The following MGAM variants were observed in gnomAD, a reference collection of about 807,000 sequenced individuals.
MGAM encodes maltase-glucoamylase.
Under a neutral mutation model 358.8 loss-of-function variants are expected in MGAM, and 253 were observed. That is an observed-to-expected ratio of 0.71 (90% CI 0.64 to 0.78). The LOEUF (loss-of-function observed/expected upper bound fraction) is 0.78, where lower values mean the gene tolerates loss of function less well. Ranked by LOEUF, MGAM falls within the 30% of genes least tolerant of loss-of-function variation. MGAM has a pLI of 0.00. For missense variants in MGAM, 3,080 were observed against 3,432.6 expected (o/e 0.90, Z 2.57); for synonymous variants, 1,105 against 1,227.1 (o/e 0.90, Z 2.08).
chr7:141,989,131 G>GGA (rs141287011), intron 2 of MGAM, among the ~76,000 whole-genome samples: 1,811 of 148,136 alleles, frequency 0.012, 8 homozygotes, highest in Non-Finnish European at 0.012. Context: ...AGAGAAAGAG[G>GGA]GAGAGAGAGA....
intron 7 of MGAM, among the ~76,000 whole-genome samples, chr7:142,024,403 G>C (rs1246785246): frequency 1.7e-5 from 2 of 117,684 alleles, no homozygotes; most frequent in African/African-American, 7.0e-5. Flanking sequence ...GACAGAGTGA[G>C]ACCCTGTCTG....
intron 57 of MGAM, among the ~76,000 whole-genome samples, chr7:142,091,111 G>A (rs1374727799): frequency 1.4e-5 from 2 of 144,788 alleles, no homozygotes; most frequent in African/African-American, 4.9e-5. Flanking sequence ...GCCAGGTGTA[G>A]TGGTGTGTGC....
chr7:142,054,545 A>C (rs967097275), intron 26 of MGAM, among the ~76,000 whole-genome samples: 1 of 152,168 alleles, frequency 6.6e-6, no homozygotes, highest in African/African-American at 2.4e-5. Context: ...CATTGAGTTT[A>C]TTAAGGTAAT....
intron 66 of MGAM, among the ~76,000 whole-genome samples, chr7:142,098,522 T>G (rs771630282): frequency 1.3e-5 from 2 of 152,062 alleles, no homozygotes; most frequent in Non-Finnish European, 2.9e-5. Context: ...GCAGTGAGAT[T>G]AGGTGAAAAC....
rs1285241391 is a variant in MGAM, at chr7:142,052,946, G to C, written c.3121G>C (p.Asp1041His). 6.2e-7 allele frequency: 1 copy of C among 1,613,680 alleles called. No homozygotes were observed. Among genetic ancestry groups the C allele is most frequent in the African/African-American group, 1.3e-5 (1 of 74,858 alleles). ...CACACCCGTGAACCCCCTTCGCCTG[G>C]ATGTCACTTACCATAAGAATGAAAT... Reference protein sequence around the residue: ...PSTPVNPLRLDVTYHKNEMLQ... With the variant: ...PSTPVNPLRLHVTYHKNEMLQ... The change falls in exon 26 of 71, where the codon GAT becomes CAT. Residue 1041 changes from aspartate to histidine, a missense_variant. Asp to His is a moderately conservative substitution (Grantham distance 81, BLOSUM62 -1). Transcript: ENST00000475668.
chr7:142,056,924 C>G lies in MGAM; in HGVS notation c.3675C>G (p.Val1225=), dbSNP rs1438149760. ...YVFLGPTPEL[V]TQQYTELIGR... The stretch of plus-strand genomic sequence containing the variant: ...TCTTGGGGCCGACTCCAGAGCTTGT[C>G]ACCCAGCAGTACACTGAGGTAGGGG... The change falls in exon 30 of 71, where the codon GTC becomes GTG. Residue 1225 remains valine (V), a synonymous_variant. Transcript: ENST00000475668. 1 of 1,613,878 alleles carries G rather than the reference C, an allele frequency of 6.2e-7. No homozygotes were observed. The highest frequency in any genetic ancestry group is 1.7e-5 in the Admixed American group (1 of 60,020).
At chr7:142,080,430 A>G (rs2129052278) in intron 49 of MGAM, among the ~76,000 whole-genome samples, 1 of 146,422 alleles carries the variant, frequency 6.8e-6, no homozygotes, top group Non-Finnish European at 1.5e-5. Flanking sequence ...CACTTTGGGG[A>G]GACACGTTAT....
intron 29 of MGAM, among the ~76,000 whole-genome samples, chr7:142,056,599 A>G (rs1811574804): frequency 6.6e-6 from 1 of 152,234 alleles, no homozygotes; most frequent in Non-Finnish European, 1.5e-5. Context: ...TAATAATTTT[A>G]TAAGAGTAGA....
chr7:142,026,230 G>A (rs1285796731), intron 8 of MGAM, among the ~76,000 whole-genome samples: 1 of 151,904 alleles, frequency 6.6e-6, no homozygotes, highest in Non-Finnish European at 1.5e-5. Flanking sequence ...TTTTGTTTGA[G>A]GTGAGATTCA....
rs1491369901 is a variant in MGAM at position 142,041,957 on chromosome 7, TAA to T, written c.2498+1112_2498+1113del. Among the ~76,000 whole-genome samples, 8 of 20,422 alleles carry T rather than the reference TAA, an allele frequency of 3.9e-4. 1 individual carries two copies. The highest frequency in any genetic ancestry group is 1.1e-3 in the African/African-American group (8 of 7,046). 13.4% of individuals were successfully genotyped at this position (20,422 alleles called of 152,430 possible). On this transcript the variant is annotated intron_variant, in intron 21 of 70. Coordinates refer to ENST00000475668, the MANE Select transcript of MGAM (RefSeq NM_001365693.1). ...TATATATTATATATATACATATATA[TAA>T]TATATATATATTATATATATATAAT...
Position 142,022,403 on chromosome 7 carries a change from C to T in MGAM, c.846C>T (p.Thr282=). ...QQYRHDMNWK[T]WPIFNRDTTP... ...ATCGGCATGATATGAATTGGAAGAC[C>T]TGGCCCATATTTAACAGAGACACAA... Residue 282 remains threonine, a synonymous_variant, in exon 7 of 71, where the codon ACC becomes ACT. Coordinates refer to ENST00000475668, the MANE Select transcript of MGAM (RefSeq NM_001365693.1). 1.9e-6 allele frequency: 3 copies of T among 1,613,704 alleles called. No individual in the cohort carries two copies. The highest frequency in any genetic ancestry group is 2.5e-6 in the Non-Finnish European group (3 of 1,179,668).
intron 17 of MGAM, 73 bp downstream of exon 17, chr7:142,036,358 A>C: frequency 8.3e-7 from 1 of 1,203,724 alleles, no homozygotes; most frequent in African/African-American, 1.5e-5. Flanking sequence ...CATCCTTGCC[A>C]AGAGATCTGC....
Position 142,022,352 on chromosome 7 carries a change from C to T in MGAM, c.795C>T (p.Gly265=). ...STRLPSTNVY[G]LGEHVHQQYR... ...GACTGCCTAGCACTAACGTGTATGG[C>T]CTGGGAGAGCATGTGCACCAGCAGT... Residue 265 remains glycine, a synonymous_variant, in exon 7 of 71, where the codon GGC becomes GGT. Coordinates refer to ENST00000475668, the MANE Select transcript of MGAM (RefSeq NM_001365693.1). 1 of 1,613,692 alleles carries T rather than the reference C, an allele frequency of 6.2e-7. No individual in the cohort carries two copies. The highest frequency in any genetic ancestry group is 1.1e-5 in the South Asian group (1 of 91,066).
Position 142,034,268 on chromosome 7 carries a change from T to C in MGAM, c.1676T>C (p.Leu559Pro), listed in dbSNP as rs1554464937. 3.2e-6 allele frequency: 5 copies of C among 1,587,278 alleles called. No individual in the cohort carries two copies. Among genetic ancestry groups the C allele is most frequent in the Non-Finnish European group, 3.4e-6 (4 of 1,165,598 alleles). ...LNNPPFTPRI[L>P]DGYLFCKTLC... ...GATCCTGCTTTTGTTTCAGGAATCC[T>C]GGATGGGTACCTGTTCTGCAAGACT... The change falls in exon 15 of 71, where the codon CTG becomes CCG. Residue 559 changes from leucine to proline, a missense_variant. Coordinates refer to ENST00000475668, the MANE Select transcript of MGAM (RefSeq NM_001365693.1).
chr7:142,091,313 T>C (rs1198319515), intron 57 of MGAM, among the ~76,000 whole-genome samples: 1 of 145,024 alleles, frequency 6.9e-6, no homozygotes, highest in African/African-American at 2.5e-5. Flanking sequence ...AAAACACACC[T>C]GTTATTATCT....
chr7:142,009,595 A>T (rs1303955560), intron 3 of MGAM, among the ~76,000 whole-genome samples: 2 of 152,126 alleles, frequency 1.3e-5, no homozygotes, highest in Non-Finnish European at 2.9e-5. Context: ...TTGGTGCTTT[A>T]TTGTAAGATC....
chr7:142,024,300 G>A (rs988501288), intron 7 of MGAM, among the ~76,000 whole-genome samples: 1 of 151,868 alleles, frequency 6.6e-6, no homozygotes, highest in African/African-American at 2.4e-5. Flanking sequence ...TGTAATCCTA[G>A]CTACTCAGGA....
chr7:141,992,851 A>G (rs368368266), upstream of MGAM, among the ~76,000 whole-genome samples: 8 of 152,122 alleles, frequency 5.3e-5, no homozygotes, highest in South Asian at 8.3e-4. Flanking sequence ...CCAAAGTGCT[A>G]GGATTACATG....
At chr7:142,027,092 T>C (rs782132288) in intron 8 of MGAM, 23 bp from the exon 9 acceptor site, 53 of 1,542,952 alleles carry the variant, frequency 3.4e-5, no homozygotes, top group Non-Finnish European at 4.6e-5. Flanking sequence ...GATTTTTATT[T>C]TCTTCATTTT....
Sources: gnomAD v4.1 joint callset for allele counts (sites outside exome capture counted in the v4.1 genomes callset) on GRCh38, gnomAD v4.1.1 for gene constraint, MANE v1.5 for transcripts, NCBI Gene and HGNC (gene_info 2026-07-23, HGNC 2026-07-21) for gene names.